FAM47C: variants seen among roughly 807,000 people sequenced by gnomAD.
FAM47C encodes family with sequence similarity 47 member C, also known as putative protein FAM47C.
For missense variants in FAM47C, 847 were observed against 879.9 expected, an observed-to-expected ratio of 0.96 and a Z score of 0.47; for synonymous variants, 307 against 346.5, an observed-to-expected ratio of 0.89 and a Z score of 1.27.
rs781878008 is a variant in FAM47C, at chrX:37,011,550, T to C, written c.*32T>C. 1 of 1,104,978 alleles carries C rather than the reference T, an allele frequency of 9.0e-7. No individual in the cohort carries two copies. The highest frequency in any genetic ancestry group is 2.8e-5 in the Admixed American group (1 of 35,263). 91.1% of individuals were successfully genotyped at this position (1,104,978 alleles called of 1,213,427 possible). On this transcript the variant is annotated 3_prime_UTR_variant, in exon 1 of 1. Transcript: ENST00000358047. Reference sequence around the variant, plus strand: ...TTGAATTTACTAGTTAATTGGGTATTTCTTGCTCTCATTTTAAACATCAGT... The same window carrying C: ...TTGAATTTACTAGTTAATTGGGTATCTCTTGCTCTCATTTTAAACATCAGT...
Position 37,011,569 on chromosome X carries a change from C to A in FAM47C, c.*51C>A. 1.9e-6 allele frequency: 2 copies of A among 1,058,721 alleles called. No individual in the cohort carries two copies. Among genetic ancestry groups the A allele is most frequent in the South Asian group, 2.4e-5 (1 of 41,864 alleles). The allele number at this position is 1,058,721 out of a possible 1,213,427, so 87.3% of individuals were successfully genotyped here. ...GGGTATTTCTTGCTCTCATTTTAAA[C>A]ATCAGTCAGAATTTATGATGACTGG... On this transcript the variant is annotated 3_prime_UTR_variant, in exon 1 of 1. Transcript: ENST00000358047.
Sources: allele counts gnomAD v4.1 joint callset, GRCh38; gene constraint gnomAD v4.1.1; transcripts MANE v1.5; gene names NCBI Gene and HGNC (gene_info 2026-07-23, HGNC 2026-07-21).